CNOT4: variants seen among roughly 807,000 people sequenced by gnomAD.
The protein encoded by CNOT4 is CCR4-associated factor 4.
A neutral mutation model predicts 73.8 loss-of-function variants in CNOT4; 8 were observed. The ratio of observed to expected loss-of-function variants is 0.11; its 90% confidence interval spans 0.06 to 0.20. The LOEUF is 0.20. CNOT4 is among the 10% of genes least tolerant of loss of function. CNOT4 has a pLI of 1.00. For synonymous variants in CNOT4, 293 were observed against 321.1 expected (o/e 0.91, Z 0.94); for missense variants, 564 against 883.4 (o/e 0.64, Z 4.58).
chr7:135,392,324 C>A (rs1303455441), intron 10 of CNOT4, among the ~76,000 whole-genome samples: 1 of 152,038 alleles, frequency 6.6e-6, no homozygotes, highest in East Asian at 1.9e-4. Context: ...CCCACATGTC[C>A]TAATTCATTG....
intron 3 of CNOT4, among the ~76,000 whole-genome samples, chr7:135,419,552 T>C (rs915413957): frequency 2.0e-5 from 3 of 152,194 alleles, no homozygotes; most frequent in Non-Finnish European, 4.4e-5. Flanking sequence ...CCCATTTATT[T>C]TATTTAAGAA....
At chr7:135,478,189 G>C (rs962611528) in intron 1 of CNOT4, among the ~76,000 whole-genome samples, 13 of 151,862 alleles carry the variant, frequency 8.6e-5, no homozygotes, top group Non-Finnish European at 1.5e-4. Flanking sequence ...CAGTTGTTAG[G>C]TAATTTTATT....
At chr7:135,457,334 G>A (rs904925253) in intron 1 of CNOT4, among the ~76,000 whole-genome samples, 3 of 151,870 alleles carry the variant, frequency 2.0e-5, no homozygotes, top group Non-Finnish European at 4.4e-5. Context: ...GAAATGGAAG[G>A]AAGAAATGTT....
At chr7:135,440,774 C>T (rs2129485460) in intron 1 of CNOT4, among the ~76,000 whole-genome samples, 1 of 152,188 alleles carries the variant, frequency 6.6e-6, no homozygotes, top group East Asian at 1.9e-4. Context: ...CAAAAATTAG[C>T]TGGGCGTGGT....
rs140233870 is a variant in CNOT4 at position 135,463,009 on chromosome 7, G to A, written c.-92-24586C>T. On this transcript the variant is annotated intron_variant, in intron 1 of 11. Coordinates refer to ENST00000541284, the MANE Select transcript of CNOT4 (RefSeq NM_001190850.2). ...AATCTTTTCCCCACTGCTTGTTTTT[G>A]TCAGCTTTGTCAAAGAACAGACAGC... 6.3e-3 allele frequency among the ~76,000 whole-genome samples: 962 copies of A among 152,252 alleles called. 15 individuals are homozygous for A. Among genetic ancestry groups the A allele is most frequent in the African/African-American group, 0.022 (899 of 41,542 alleles).
chr7:135,478,320 G>A (rs1437363025), intron 1 of CNOT4, among the ~76,000 whole-genome samples: 1 of 152,114 alleles, frequency 6.6e-6, no homozygotes, highest in African/African-American at 2.4e-5. Flanking sequence ...TATGATAGAT[G>A]TATGTTACAG....
intron 1 of CNOT4, among the ~76,000 whole-genome samples, chr7:135,508,808 A>G (rs145831457): frequency 6.6e-6 from 1 of 152,308 alleles, no homozygotes; most frequent in African/African-American, 2.4e-5. Context: ...TGTGCGCCAG[A>G]TTTATCTTAT....
At position 135,411,912 on chromosome 7, in the gene CNOT4, G is replaced by A. The variant is rs538404561; in HGVS notation, c.688-1264C>T. Among the ~76,000 whole-genome samples the A allele has an allele frequency of 5.3e-5, 8 of 151,878 alleles. No individual in the cohort carries two copies. The East Asian group carries it at 1.5e-3, about 29-fold the overall frequency. On this transcript the variant is annotated intron_variant, in intron 6 of 11. Transcript: ENST00000541284. Reference sequence around the variant, plus strand: ...AAATTTTGAGTTACGCAGTAACAAGGAAAGATTTTCTGATTTTTGCCATAA... The same window carrying A: ...AAATTTTGAGTTACGCAGTAACAAGAAAAGATTTTCTGATTTTTGCCATAA...
rs187123605 is a variant in CNOT4, at chr7:135,470,019, C to T, written c.-92-31596G>A. 5.2e-4 allele frequency among the ~76,000 whole-genome samples: 79 copies of T among 152,076 alleles called. 1 individual carries two copies. The highest frequency in any genetic ancestry group is 1.7e-3 in the African/African-American group (70 of 41,440). On this transcript the variant is annotated intron_variant, in intron 1 of 11. Coordinates refer to ENST00000541284, the MANE Select transcript of CNOT4 (RefSeq NM_001190850.2). ...TGTATTTTTAGTAGAGCTGGGGTAT[C>T]GTCACATTGGTTAGGCTGGTCTCGA...
At chr7:135,404,673 T>G (rs1438555583) in intron 7 of CNOT4, among the ~76,000 whole-genome samples, 1 of 152,184 alleles carries the variant, frequency 6.6e-6, no homozygotes, top group Non-Finnish European at 1.5e-5. Context: ...TGACTATACC[T>G]TCAGTCTATC....
chr7:135,454,593 G>A (rs1800408433), intron 1 of CNOT4, among the ~76,000 whole-genome samples: 1 of 152,052 alleles, frequency 6.6e-6, no homozygotes, highest in South Asian at 2.1e-4. Context: ...AGAATCACTT[G>A]AGCCTGGGAA....
chr7:135,435,199 T>C lies in CNOT4; in HGVS notation c.174+2959A>G, dbSNP rs147831505. ...TCACAATTATATAAACAAACATTGA[T>C]CTTTTTCAGTCACCTTGCTTCACAC... On this transcript the variant is annotated intron_variant, in intron 2 of 11. Coordinates refer to ENST00000541284, the MANE Select transcript of CNOT4 (RefSeq NM_001190850.2). Among the ~76,000 whole-genome samples, 410 of 152,292 alleles carry C rather than the reference T, an allele frequency of 2.7e-3. 3 individuals carry two copies. Among genetic ancestry groups the C allele is most frequent in the African/African-American group, 9.3e-3 (385 of 41,584 alleles).
chr7:135,434,532 T>C (rs931107800), intron 2 of CNOT4, among the ~76,000 whole-genome samples: 1 of 152,254 alleles, frequency 6.6e-6, no homozygotes, highest in Non-Finnish European at 1.5e-5. Context: ...CTTAGACCTC[T>C]GTAATCTGGA....
At chr7:135,496,699 A>T (rs1472575757) in intron 1 of CNOT4, among the ~76,000 whole-genome samples, 1 of 151,842 alleles carries the variant, frequency 6.6e-6, no homozygotes, top group Non-Finnish European at 1.5e-5. Context: ...TCTGAGCCAA[A>T]CTTTTCCATC....
intron 1 of CNOT4, among the ~76,000 whole-genome samples, chr7:135,452,247 G>T (rs554897249): frequency 2.6e-5 from 4 of 152,028 alleles, no homozygotes. Flanking sequence ...TCTAAAAGAG[G>T]AATAGTAATA....
rs1469779202 is a variant in CNOT4, at chr7:135,422,287, C to T, written c.241G>A (p.Glu81Lys). The change falls in exon 3 of 12, where the codon GAG (glutamate) becomes AAG (lysine). Residue 81 changes from glutamate to lysine, a missense_variant. By Grantham distance (56) the Glu-to-Lys change is moderately conservative. Coordinates refer to ENST00000541284, the MANE Select transcript of CNOT4 (RefSeq NM_001190850.2). ...SQEELQRIKNEKKQKQNERKQ... is the reference protein window; with the variant it reads ...SQEELQRIKNKKKQKQNERKQ... ...CTCTCATTTTGTTTCTGTTTTTTCT[C>T]ATTCTTTATCCTTTGCAGCTCTTCC... The T allele has an allele frequency of 4.4e-6, 7 of 1,585,620 alleles. No homozygotes were observed. The highest frequency in any genetic ancestry group is 6.1e-6 in the Non-Finnish European group (7 of 1,154,214).
At chr7:135,459,283 A>G (rs1231450248) in intron 1 of CNOT4, among the ~76,000 whole-genome samples, 1 of 152,064 alleles carries the variant, frequency 6.6e-6, no homozygotes, top group African/African-American at 2.4e-5. Context: ...ATAGGCTGTC[A>G]GCCAGGCTTC....
chr7:135,364,119 G>A lies in CNOT4; in HGVS notation c.1628-53C>T, dbSNP rs1200990001. On this transcript the variant is annotated intron_variant, in intron 10 of 11. Transcript: ENST00000541284. This position sits in a 1 kb window ranked among gnomAD's most constrained non-coding sequence, Gnocchi z 4.3. ...AAGATAAAAAAAAATAAAAAGCTAC[G>A]TTAGAAACATATGTTGTTCTTTAGT... 4.3e-5 allele frequency: 56 copies of A among 1,306,670 alleles called. No individual in the cohort carries two copies. Among genetic ancestry groups the A allele is most frequent in the Non-Finnish European group, 5.9e-5 (55 of 934,896 alleles). 80.9% of individuals were successfully genotyped at this position (1,306,670 alleles called of 1,614,324 possible). A position where few individuals can be genotyped will look rare whatever the true frequency, so the allele number is the denominator to read the frequency against.
chr7:135,467,590 G>A (rs890213801), intron 1 of CNOT4, among the ~76,000 whole-genome samples: 6 of 152,164 alleles, frequency 3.9e-5, no homozygotes, highest in African/African-American at 1.4e-4. Context: ...ACGTGCATGT[G>A]TAGTTCCAGC....
Sources: allele counts gnomAD v4.1 joint callset (sites outside exome capture counted in the v4.1 genomes callset), GRCh38; gene constraint gnomAD v4.1.1; non-coding constraint Gnocchi (gnomAD v3.1); transcripts MANE v1.5; gene names NCBI Gene and HGNC (gene_info 2026-07-23, HGNC 2026-07-21).